UNC79: variants seen among roughly 807,000 people sequenced by gnomAD.
UNC79 encodes unc-79 subunit of NALCN channel complex, also known as protein unc-79 homolog.
UNC79 carries 37 observed loss-of-function variants against 283.1 expected under a neutral mutation model. The ratio of observed to expected loss-of-function variants is 0.13; its 90% confidence interval spans 0.10 to 0.17. UNC79 has a LOEUF of 0.17. Ranked by LOEUF, UNC79 falls within the 10% of genes least tolerant of loss-of-function variation. The probability of loss-of-function intolerance (pLI) is 1.00; values close to 1 mark genes in which losing one functional copy is unlikely to be tolerated. For synonymous variants in UNC79, 1,107 were observed against 1,200.2 expected, an observed-to-expected ratio of 0.92 and a Z score of 1.61; for missense variants, 2,272 against 3,211.1, an observed-to-expected ratio of 0.71 and a Z score of 7.07.
chr14:93,597,615 C>T (rs377433126), intron 24 of UNC79, 75 bp downstream of exon 24: 16 of 1,452,776 alleles, frequency 1.1e-5, no homozygotes, highest in Admixed American at 4.6e-5. Context: ...TTGTTTGTCA[C>T]GTCCTAGTCT....
intron 1 of UNC79, among the ~76,000 whole-genome samples, chr14:93,408,728 T>C (rs915670876): frequency 9.2e-5 from 14 of 152,262 alleles, no homozygotes; most frequent in African/African-American, 3.4e-4. Flanking sequence ...AAAAATACCA[T>C]ATCAATACTG....
chr14:93,432,188 T>A (rs1274736906), intron 1 of UNC79, among the ~76,000 whole-genome samples: 1 of 152,248 alleles, frequency 6.6e-6, no homozygotes, highest in African/African-American at 2.4e-5. Context: ...TTATATATGA[T>A]AAAATGCAGT....
At chr14:93,334,952 G>C (rs2053544617) in intron 1 of UNC79, 1 of 152,188 alleles carries the variant, frequency 6.6e-6, no homozygotes, top group African/African-American at 2.4e-5. Context: ...AATAAGATCA[G>C]TCCCCACTGT....
At chr14:93,466,972 G>A (rs1185231282) in intron 1 of UNC79, 12 of 947,288 alleles carry the variant, frequency 1.3e-5, no homozygotes, top group South Asian at 4.9e-5. Context: ...GCCAAGCTCA[G>A]AAAGCTATTA....
At chr14:93,399,438 G>A (rs1178336545) in intron 1 of UNC79, among the ~76,000 whole-genome samples, 1 of 152,168 alleles carries the variant, frequency 6.6e-6, no homozygotes, top group Non-Finnish European at 1.5e-5. Context: ...TGAAATGATT[G>A]CTGGGCACTA....
intron 24 of UNC79, among the ~76,000 whole-genome samples, chr14:93,599,851 C>T (rs6575344): frequency 0.058 from 8,778 of 152,250 alleles, 488 homozygotes; most frequent in African/African-American, 0.15. Flanking sequence ...GACCATCTTT[C>T]TGTGTATTCT....
At chr14:93,388,272 C>T (rs10134353) in intron 1 of UNC79, among the ~76,000 whole-genome samples, 82,423 of 151,844 alleles carry the variant, frequency 0.54, 22,941 homozygotes, top group Admixed American at 0.65. Flanking sequence ...CCACCACACC[C>T]GACTATAAAA....
At chr14:93,342,552 TCTTTA>T (rs1426279055) in intron 1 of UNC79, among the ~76,000 whole-genome samples, 39 of 152,262 alleles carry the variant, frequency 2.6e-4, no homozygotes, top group African/African-American at 9.4e-4. Context: ...ATTTGGCCTC[TCTTTA>T]CTTATGCAAA....
chr14:93,467,654 T>TGG lies in UNC79; in HGVS notation c.23-17_23-16insGG. The TGG allele has an allele frequency of 8.7e-7, 1 of 1,148,450 alleles. No individual in the cohort carries two copies. The highest frequency in any genetic ancestry group is 1.1e-6 in the Non-Finnish European group (1 of 940,834). The allele number at this position is 1,148,450 out of a possible 1,614,324, so 71.1% of individuals were successfully genotyped here. On this transcript the variant is annotated splice_polypyrimidine_tract_variant and intron_variant, in intron 1 of 48. Coordinates refer to ENST00000555664, the Ensembl canonical transcript of UNC79. ...TTTTTTTTTTTTTTTTTTTTTTTTTTTTTTGCTTTTATCTAGTTGCTTCCA... is the reference window on the plus strand; with the variant it reads ...TTTTTTTTTTTTTTTTTTTTTTTTTTGGTTTTGCTTTTATCTAGTTGCTTCCA...
chr14:93,346,004 T>G (rs1470936208), intron 1 of UNC79, among the ~76,000 whole-genome samples: 3 of 150,966 alleles, frequency 2.0e-5, no homozygotes, highest in African/African-American at 7.3e-5. Flanking sequence ...GAACAATGCC[T>G]TTTGAAAATC....
intron 1 of UNC79, among the ~76,000 whole-genome samples, chr14:93,378,796 A>T (rs1261799728): frequency 6.6e-6 from 1 of 152,242 alleles, no homozygotes; most frequent in Non-Finnish European, 1.5e-5. Flanking sequence ...AACCTGTAGT[A>T]GCATATGCTA....
At chr14:93,616,946 G>A (rs1408698626) in intron 27 of UNC79, among the ~76,000 whole-genome samples, 176 bp from the exon 29 acceptor site, 1 of 152,090 alleles carries the variant, frequency 6.6e-6, no homozygotes, top group East Asian at 1.9e-4. Context: ...TTTTTGTGAG[G>A]TTGGACTTTT....
chr14:93,524,186 T>A, intron 8 of UNC79, 144 bp downstream of exon 8: 1 of 942,720 alleles, frequency 1.1e-6, no homozygotes. Flanking sequence ...AATCTGATTG[T>A]ACTTTGGCAG....
At chr14:93,398,843 C>A (rs2055048449) in intron 1 of UNC79, among the ~76,000 whole-genome samples, 1 of 152,050 alleles carries the variant, frequency 6.6e-6, no homozygotes, top group African/African-American at 2.4e-5. Context: ...AGGACTGTGG[C>A]ATGTACCCAC....
At chr14:93,442,199 T>A (rs1163618955) in intron 1 of UNC79, among the ~76,000 whole-genome samples, 1 of 152,174 alleles carries the variant, frequency 6.6e-6, no homozygotes, top group African/African-American at 2.4e-5. Flanking sequence ...ATGATTGCAG[T>A]ATGTCCTTTC....
At chr14:93,627,003 T>G (rs192898221) in intron 30 of UNC79, among the ~76,000 whole-genome samples, 62 of 152,280 alleles carry the variant, frequency 4.1e-4, no homozygotes, top group Non-Finnish European at 7.9e-4. Context: ...GTGCTATGAT[T>G]GCACTTGTGA....
chr14:93,487,515 T>C, intron 4 of UNC79, 148 bp from the exon 5 acceptor site: 1 of 573,820 alleles, frequency 1.7e-6, no homozygotes, highest in African/African-American at 1.9e-5. Flanking sequence ...CAGGACACAT[T>C]TTGTGGTTTC....
At position 93,621,554 on chromosome 14, in the gene UNC79, A is replaced by G; in HGVS notation, c.4388-67A>G. ...GATGATTTATGCCAATTGTATGCCC[A>G]AGGATGAGGGGAAAAAATGGTGAAA... On this transcript the variant is annotated intron_variant, in intron 29 of 48. Coordinates refer to ENST00000555664, the Ensembl canonical transcript of UNC79. The surrounding 1 kb of genome is among the most constrained non-coding windows in gnomAD (Gnocchi z 4.8). 2 of 1,486,580 alleles carry G rather than the reference A, an allele frequency of 1.3e-6. No individual in the cohort carries two copies. Among genetic ancestry groups the G allele is most frequent in the Non-Finnish European group, 1.8e-6 (2 of 1,119,540 alleles). The allele number at this position is 1,486,580 out of a possible 1,614,324, so 92.1% of individuals were successfully genotyped here. A position where few individuals can be genotyped will look rare whatever the true frequency, so the allele number is the denominator to read the frequency against.
rs533652495 is a variant in UNC79, at chr14:93,691,280, C to T, written c.7273-469C>T. 5.5e-5 allele frequency: 10 copies of T among 182,926 alleles called. No homozygotes were observed. The South Asian group carries it at 7.7e-4, about 14-fold the overall frequency. 11.3% of individuals were successfully genotyped at this position (182,926 alleles called of 1,614,324 possible). On this transcript the variant is annotated intron_variant, in intron 45 of 48. Coordinates refer to ENST00000555664, the Ensembl canonical transcript of UNC79. Reference sequence around the variant, plus strand: ...AGGTGCTCTCTCTGCACGTGCTTTCCGCTAGGAGGAGGATCTCCGCTGCTG... The same window carrying T: ...AGGTGCTCTCTCTGCACGTGCTTTCTGCTAGGAGGAGGATCTCCGCTGCTG...
Sources: gnomAD v4.1 joint callset for allele counts (sites outside exome capture counted in the v4.1 genomes callset) on GRCh38, gnomAD v4.1.1 for gene constraint, Gnocchi (gnomAD v3.1) non-coding constraint, MANE v1.5 for transcripts, NCBI Gene and HGNC (gene_info 2026-07-23, HGNC 2026-07-21) for gene names.